Variants in URB1 observed in about 807,000 individuals in gnomAD.
URB1 encodes URB1 ribosome biogenesis factor.
Under a neutral mutation model 242.3 loss-of-function variants are expected in URB1, and 197 were observed. The ratio of observed to expected loss-of-function variants is 0.81; its 90% CI spans 0.72 to 0.91. The LOEUF (loss-of-function observed/expected upper bound fraction) is 0.91, where lower values mean the gene tolerates loss of function less well. URB1 is among the 40% of genes least tolerant of loss of function. The pLI is 0.00. For missense variants in URB1, 2,721 were observed against 2,860.5 expected, an observed-to-expected ratio of 0.95 and a Z score of 1.11; for synonymous variants, 1,153 against 1,201.8, an observed-to-expected ratio of 0.96 and a Z score of 0.84.
At chr21:32,342,599 C>T (rs1222299235) in intron 24 of URB1, among the ~76,000 whole-genome samples, 1 of 151,988 alleles carries the variant, frequency 6.6e-6, no homozygotes, top group Non-Finnish European at 1.5e-5. Context: ...CTGTTTCCAA[C>T]CTAGGCCAGT....
At chr21:32,356,290 G>T (rs1435324121) in intron 15 of URB1, among the ~76,000 whole-genome samples, 8 of 152,172 alleles carry the variant, frequency 5.3e-5, no homozygotes, top group Non-Finnish European at 1.2e-4. Flanking sequence ...TACTCAGGAG[G>T]CTTAGTTGGG....
chr21:32,316,564 T>TG lies in URB1; in HGVS notation c.6535dup (p.Gln2179ProfsTer27). On this transcript the variant is annotated frameshift_variant, in exon 38 of 39. Coordinates refer to ENST00000382751, the MANE Select transcript of URB1 (RefSeq NM_014825.3). LOFTEE classifies it high-confidence loss of function. ...TGCCCGGCCCTGGGCAGCCACCAGC[T>TG]GCAGCATGACCGTATTGAACAGGCA... 6.4e-7 allele frequency: 1 copy of TG among 1,551,288 alleles called. No individual in the cohort carries two copies. Among genetic ancestry groups the TG allele is most frequent in the Non-Finnish European group, 8.7e-7 (1 of 1,146,894 alleles).
At chr21:32,349,265 G>T in intron 21 of URB1, 39 bp downstream of exon 21, 1 of 1,485,098 alleles carries the variant, frequency 6.7e-7, no homozygotes, top group South Asian at 1.4e-5. Context: ...CACTGCCCAT[G>T]ACTCTGAGAA....
chr21:32,346,878 T>C, intron 22 of URB1, 78 bp downstream of exon 22: 1 of 1,439,270 alleles, frequency 6.9e-7, no homozygotes, highest in Non-Finnish European at 9.2e-7. Context: ...TTCTAGGGTT[T>C]AAAAATGGCC....
intron 9 of URB1, among the ~76,000 whole-genome samples, chr21:32,367,592 T>C (rs555002893): frequency 2.6e-4 from 38 of 148,562 alleles, no homozygotes; most frequent in African/African-American, 9.4e-4. Flanking sequence ...CAAAGAACAG[T>C]AGGTACCTCT....
At chr21:32,362,938 G>A (rs1051175301) in intron 11 of URB1, among the ~76,000 whole-genome samples, 1 of 152,196 alleles carries the variant, frequency 6.6e-6, no homozygotes, top group Non-Finnish European at 1.5e-5. Context: ...CTCTGCACAA[G>A]GACTTTGGGA....
rs778157189 is a variant in URB1, at chr21:32,363,191, C to T, written c.1474G>A (p.Glu492Lys). The T allele has an allele frequency of 9.1e-5, 141 of 1,552,116 alleles. No homozygotes were observed. In the East Asian group the frequency reaches 3.4e-3, roughly 37 times the overall value. ...GCTTCTCTGAAGAGCTGCACGAATT[C>T]TTCCATCATCACAGCTGTGTACACG... ...SGVYTAVMME[E>K]FVQLFREALS... The change falls in exon 11 of 39, where the codon GAA becomes AAA. Residue 492 changes from glutamate to lysine, a missense_variant. By Grantham distance (56) the Glu-to-Lys change is moderately conservative. Transcript: ENST00000382751.
At chr21:32,333,917 G>T (rs1217725942) in intron 29 of URB1, among the ~76,000 whole-genome samples, 1 of 152,198 alleles carries the variant, frequency 6.6e-6, no homozygotes, top group Non-Finnish European at 1.5e-5. Flanking sequence ...CTTGGGATGT[G>T]CTGCAACATA....
chr21:32,363,447 C>A (rs1472677902), intron 10 of URB1, 118 bp from the exon 11 acceptor site: 23 of 1,262,046 alleles, frequency 1.8e-5, no homozygotes, highest in Non-Finnish European at 2.4e-5. Flanking sequence ...CTGCATGAAA[C>A]TGCTGGTCTC....
Position 32,363,257 on chromosome 21 carries a change from C to T in URB1, c.1408G>A (p.Val470Ile). Reference protein sequence around the residue: ...SVILKRALKTVDHCLNKEVWQ... With the variant: ...SVILKRALKTIDHCLNKEVWQ... ...ACCTCTTTATTCAGGCAGTGGTCAACAGTTTTTAATGCCCTCTTCAAAATG... is the reference window on the plus strand; with the variant it reads ...ACCTCTTTATTCAGGCAGTGGTCAATAGTTTTTAATGCCCTCTTCAAAATG... The change falls in exon 11 of 39, where the codon GTT becomes ATT. Residue 470 changes from valine (V) to isoleucine (I), a missense_variant. Val to Ile is a conservative substitution (Grantham distance 29). Coordinates refer to ENST00000382751, the MANE Select transcript of URB1 (RefSeq NM_014825.3). 1 of 1,551,942 alleles carries T rather than the reference C, an allele frequency of 6.4e-7. No individual in the cohort carries two copies.
chr21:32,390,752 CT>C (rs1371871465), intron 1 of URB1, among the ~76,000 whole-genome samples: 1 of 152,138 alleles, frequency 6.6e-6, no homozygotes, highest in Non-Finnish European at 1.5e-5. Flanking sequence ...AATGGGAACA[CT>C]TTTACACTGT....
At chr21:32,338,093 T>TA (rs1374977573) in intron 26 of URB1, among the ~76,000 whole-genome samples, 1 of 152,226 alleles carries the variant, frequency 6.6e-6, no homozygotes, top group African/African-American at 2.4e-5. Context: ...TAGCAGTTTA[T>TA]TACAGTCTGA....
At position 32,392,988 on chromosome 21, in the gene URB1, C is replaced by A. The variant is rs1030442809; in HGVS notation, c.-78G>T. The A allele has an allele frequency of 1.7e-5, 24 of 1,409,132 alleles. No homozygotes were observed. The South Asian group carries it at 3.3e-4, about 19-fold the overall frequency. The allele number at this position is 1,409,132 out of a possible 1,614,324, so 87.3% of individuals were successfully genotyped here. On this transcript the variant is annotated 5_prime_UTR_variant, in exon 1 of 39. Transcript: ENST00000382751. ...GGAGCACTGGCACAGACAGCAGACA[C>A]GCGCTTCAGGCCCACATGGCGCAGG...
intron 24 of URB1, among the ~76,000 whole-genome samples, chr21:32,341,974 G>C (rs762221143): frequency 2.0e-5 from 3 of 151,996 alleles, no homozygotes; most frequent in Non-Finnish European, 4.4e-5. Context: ...ATTACACTTA[G>C]GGCCATTCAG....
Position 32,352,777 on chromosome 21 carries a change from C to T in URB1, c.2546G>A (p.Cys849Tyr). The change falls in exon 19 of 39, where the codon TGC (cysteine) becomes TAC (tyrosine). Residue 849 changes from cysteine (C) to tyrosine (Y), a missense_variant. Coordinates refer to ENST00000382751, the MANE Select transcript of URB1 (RefSeq NM_014825.3). Reference protein sequence around the residue: ...KLEPPCLVPCCQQLSRFNRYY... With the variant: ...KLEPPCLVPCYQQLSRFNRYY... ...TCTGTTAAACCGTGAGAGCTGCTGG[C>T]AGCAAGGCACCAGGCATGGAGGCTC... 1.3e-6 allele frequency: 2 copies of T among 1,551,684 alleles called. No individual in the cohort carries two copies. Among genetic ancestry groups the T allele is most frequent in the South Asian group, 2.4e-5 (2 of 84,060 alleles).
chr21:32,351,307 C>T (rs887376746), intron 19 of URB1, among the ~76,000 whole-genome samples: 2 of 152,266 alleles, frequency 1.3e-5, no homozygotes, highest in African/African-American at 4.8e-5. Flanking sequence ...GGCCTGCCTT[C>T]GGAAGACCTT....
At chr21:32,376,548 C>G (rs1484622866) in intron 5 of URB1, among the ~76,000 whole-genome samples, 1 of 135,186 alleles carries the variant, frequency 7.4e-6, no homozygotes, top group African/African-American at 2.4e-5. Context: ...TCATGCTACT[C>G]TATTTGAGTA....
At chr21:32,366,366 G>A (rs1206314142) in intron 10 of URB1, among the ~76,000 whole-genome samples, 1 of 152,194 alleles carries the variant, frequency 6.6e-6, no homozygotes, top group African/African-American at 2.4e-5. Context: ...GCTGTGTGAT[G>A]GAGCAGGGCC....
Position 32,384,474 on chromosome 21 carries a change from C to A in URB1, c.283-10G>T. The A allele has an allele frequency of 6.5e-7, 1 of 1,549,438 alleles. No homozygotes were observed. The highest frequency in any genetic ancestry group is 1.2e-5 in the South Asian group (1 of 84,006). ...GAAATATTAACATCGTCTGCAAAGA[C>A]AGAATTGAAACGCTTAGAAATCGTC... On this transcript the variant is annotated splice_polypyrimidine_tract_variant and intron_variant, in intron 2 of 38. Coordinates refer to ENST00000382751, the MANE Select transcript of URB1 (RefSeq NM_014825.3).
Sources: allele counts gnomAD v4.1 joint callset (sites outside exome capture counted in the v4.1 genomes callset), GRCh38; gene constraint gnomAD v4.1.1; transcripts MANE v1.5; gene names NCBI Gene and HGNC (gene_info 2026-07-23, HGNC 2026-07-21).